The following DPYD variants were observed in gnomAD, a reference collection of about 807,000 sequenced individuals.
The protein encoded by DPYD is dihydropyrimidine dehydrogenase [NADP(+)].
A neutral mutation model predicts 116.2 loss-of-function variants in DPYD; 109 were observed. That is an observed-to-expected ratio of 0.94 (90% confidence interval 0.80 to 1.10). DPYD has a LOEUF of 1.10. DPYD is among the 50% of genes least tolerant of loss of function. DPYD has a pLI of 0.00. For missense variants in DPYD, 1,302 were observed against 1,254.5 expected, an observed-to-expected ratio of 1.04 and a Z score of -0.57; for synonymous variants, 440 against 432.0, an observed-to-expected ratio of 1.02 and a Z score of -0.23.
intron 14 of DPYD, among the ~76,000 whole-genome samples, chr1:97,416,884 T>TTA (rs1161614269): frequency 6.6e-6 from 1 of 152,146 alleles, no homozygotes; most frequent in Non-Finnish European, 1.5e-5. Flanking sequence ...TTGTCAGCAT[T>TTA]TACCCTCAAA....
intron 3 of DPYD, among the ~76,000 whole-genome samples, chr1:97,764,470 C>T (rs1665739906): frequency 6.6e-6 from 1 of 152,020 alleles, no homozygotes; most frequent in Non-Finnish European, 1.5e-5. Context: ...ATCTGCACTA[C>T]ATGTTCAAGT....
intron 11 of DPYD, among the ~76,000 whole-genome samples, chr1:97,555,422 T>C (rs1006604765): frequency 6.6e-6 from 1 of 152,136 alleles, no homozygotes; most frequent in Admixed American, 6.6e-5. Flanking sequence ...ATAACCTGTA[T>C]GCTCTAATGT....
chr1:97,253,742 T>C (rs560898764), intron 18 of DPYD, among the ~76,000 whole-genome samples: 3 of 152,258 alleles, frequency 2.0e-5, no homozygotes, highest in African/African-American at 7.2e-5. Context: ...TTCTCTCCAC[T>C]ATCTTTTCAA....
At chr1:97,188,627 T>G (rs1570630748) in intron 20 of DPYD, among the ~76,000 whole-genome samples, 2 of 152,166 alleles carry the variant, frequency 1.3e-5, no homozygotes, top group South Asian at 4.1e-4. Context: ...AAGGAGTGAT[T>G]TGACTTTCTT....
chr1:97,879,930 A>T (rs2101634590), intron 2 of DPYD, among the ~76,000 whole-genome samples: 1 of 151,910 alleles, frequency 6.6e-6, no homozygotes, highest in African/African-American at 2.4e-5. Flanking sequence ...GGACTATATA[A>T]TGCCTCAAGA....
chr1:97,678,657 A>T (rs572407510), intron 8 of DPYD, among the ~76,000 whole-genome samples: 357 of 152,362 alleles, frequency 2.3e-3, no homozygotes, highest in South Asian at 0.018. Context: ...CATTTAAAAA[A>T]TTCAACCAAA....
intron 20 of DPYD, among the ~76,000 whole-genome samples, chr1:97,178,943 G>A (rs967604122): frequency 1.6e-4 from 25 of 152,138 alleles, no homozygotes; most frequent in African/African-American, 6.0e-4. Flanking sequence ...AGTGTTCATC[G>A]TGGCAGAGAA....
At chr1:97,607,340 T>C (rs1366882859) in intron 8 of DPYD, among the ~76,000 whole-genome samples, 1 of 151,946 alleles carries the variant, frequency 6.6e-6, no homozygotes, top group Non-Finnish European at 1.5e-5. Flanking sequence ...CATTCTAATT[T>C]TTTTTTATTA....
At chr1:97,291,388 G>A (rs1375615896) in intron 18 of DPYD, among the ~76,000 whole-genome samples, 5 of 151,740 alleles carry the variant, frequency 3.3e-5, no homozygotes, top group African/African-American at 4.8e-5. Flanking sequence ...ACATGCACAC[G>A]TATGTTTATT....
chr1:97,734,609 T>C (rs374514123), intron 4 of DPYD, among the ~76,000 whole-genome samples: 12 of 152,332 alleles, frequency 7.9e-5, no homozygotes, highest in African/African-American at 2.9e-4. Flanking sequence ...CCAGGGCATA[T>C]TGAAAACTAA....
intron 6 of DPYD, among the ~76,000 whole-genome samples, chr1:97,696,663 A>G (rs1449501914): frequency 6.6e-6 from 1 of 152,148 alleles, no homozygotes; most frequent in African/African-American, 2.4e-5. Context: ...GTGGAAAGTC[A>G]GACAACATGA....
rs1238777970 is a variant in DPYD at position 97,709,917 on chromosome 1, A to G, written c.484-10370T>C. Among the ~76,000 whole-genome samples, 4 of 151,792 alleles carry G rather than the reference A, an allele frequency of 2.6e-5. 1 individual carries two copies. The highest frequency in any genetic ancestry group is 9.7e-5 in the African/African-American group (4 of 41,418). ...TAATTAACCAAACAATAGCAAATAT[A>G]TACCATAGGGAAGTCATGAGAAGTA... is the stretch of plus-strand genomic sequence containing the variant. On this transcript the variant is annotated intron_variant, in intron 5 of 22. Coordinates refer to ENST00000370192, the MANE Select transcript of DPYD (RefSeq NM_000110.4).
intron 2 of DPYD, among the ~76,000 whole-genome samples, chr1:97,878,590 TC>T (rs1228669083): frequency 6.6e-6 from 1 of 151,882 alleles, no homozygotes; most frequent in Non-Finnish European, 1.5e-5. Context: ...GTGTTTTATC[TC>T]CTAAATCAAT....
intron 8 of DPYD, among the ~76,000 whole-genome samples, chr1:97,609,478 G>T (rs1361467150): frequency 6.6e-6 from 1 of 151,816 alleles, no homozygotes; most frequent in Admixed American, 6.6e-5. Context: ...TTAAAACTTT[G>T]CATTTGTAAA....
chr1:97,192,998 T>C, intron 20 of DPYD, 71 bp downstream of exon 20: 4 of 1,534,334 alleles, frequency 2.6e-6, no homozygotes, highest in Non-Finnish European at 3.6e-6. Flanking sequence ...GAATGTGAGA[T>C]GGTAAATAAG....
chr1:97,502,498 T>A (rs1399105517), intron 13 of DPYD, among the ~76,000 whole-genome samples: 1 of 151,920 alleles, frequency 6.6e-6, no homozygotes, highest in Non-Finnish European at 1.5e-5. Flanking sequence ...GTACAAAGAT[T>A]CTGGATTTTA....
At chr1:97,708,881 G>A (rs922920793) in intron 5 of DPYD, among the ~76,000 whole-genome samples, 10 of 151,432 alleles carry the variant, frequency 6.6e-5, no homozygotes, top group African/African-American at 1.9e-4. Context: ...TAAGTATTTC[G>A]TTTTTAAGGA....
chr1:97,832,638 G>C (rs1016593106), intron 2 of DPYD, among the ~76,000 whole-genome samples: 1 of 151,998 alleles, frequency 6.6e-6, no homozygotes, highest in Non-Finnish European at 1.5e-5. Flanking sequence ...AAATTCCCAA[G>C]TGTTCAGATT....
chr1:97,210,215 T>A (rs1659947997), intron 19 of DPYD, among the ~76,000 whole-genome samples: 1 of 152,164 alleles, frequency 6.6e-6, no homozygotes, highest in African/African-American at 2.4e-5. Context: ...TGGATGAGCA[T>A]GTGTTTAAAG....
Sources: allele counts gnomAD v4.1 joint callset (sites outside exome capture counted in the v4.1 genomes callset), GRCh38; gene constraint gnomAD v4.1.1; transcripts MANE v1.5; gene names NCBI Gene and HGNC (gene_info 2026-07-23, HGNC 2026-07-21).